The following TGFBR2 variants were observed in gnomAD, a reference collection of about 807,000 sequenced individuals.
TGFBR2 encodes transforming growth factor beta receptor 2.
Under a neutral mutation model 49.0 loss-of-function variants are expected in TGFBR2, and 18 were observed. That is an observed-to-expected ratio of 0.37 (90% CI 0.25 to 0.54). TGFBR2 has a LOEUF of 0.54. Among genes scored for constraint, TGFBR2 ranks in the 20% least tolerant of loss-of-function variants. TGFBR2 has a pLI of 0.85. For missense variants in TGFBR2, 525 were observed against 722.6 expected (o/e 0.73, Z 3.13); for synonymous variants, 282 against 275.9 (o/e 1.02, Z -0.22).
chr3:30,622,458 A>G (rs982047402), intron 1 of TGFBR2, among the ~76,000 whole-genome samples: 2 of 151,940 alleles, frequency 1.3e-5, no homozygotes, highest in African/African-American at 4.8e-5. Flanking sequence ...TTCTGCCCAC[A>G]CCCTTCTTTG....
intron 6 of TGFBR2, among the ~76,000 whole-genome samples, chr3:30,690,122 C>T (rs1224636725): frequency 6.6e-6 from 1 of 152,128 alleles, no homozygotes; most frequent in Non-Finnish European, 1.5e-5. Context: ...AGTGCCAGCT[C>T]TCCCAGGTAG....
chr3:30,679,338 G>A (rs114640422), intron 5 of TGFBR2, among the ~76,000 whole-genome samples: 1,655 of 152,258 alleles, frequency 0.011, 34 homozygotes, highest in African/African-American at 0.038. Flanking sequence ...TTCTTTACTA[G>A]CCAGTCTCCC....
intron 1 of TGFBR2, among the ~76,000 whole-genome samples, chr3:30,634,710 C>A (rs1006155413): frequency 2.0e-5 from 3 of 152,140 alleles, no homozygotes; most frequent in Non-Finnish European, 4.4e-5. Flanking sequence ...CTTTTATTTT[C>A]AATAATAAAT....
chr3:30,674,651 AAG>A (rs1699402492), intron 5 of TGFBR2, among the ~76,000 whole-genome samples: 1 of 152,148 alleles, frequency 6.6e-6, no homozygotes, highest in Non-Finnish European at 1.5e-5. Flanking sequence ...GTCTGGGAAA[AAG>A]ATTTGATTCA....
intron 3 of TGFBR2, among the ~76,000 whole-genome samples, chr3:30,667,158 G>T (rs552788927): frequency 6.6e-6 from 1 of 152,156 alleles, no homozygotes; most frequent in East Asian, 1.9e-4. Flanking sequence ...ACCTCATAGG[G>T]TTTTTCTATC....
chr3:30,637,200 C>T (rs893883582), intron 1 of TGFBR2, among the ~76,000 whole-genome samples: 10 of 151,882 alleles, frequency 6.6e-5, no homozygotes, highest in African/African-American at 2.4e-4. Context: ...CAAGTACTTA[C>T]AAAGGTATGG....
intron 3 of TGFBR2, among the ~76,000 whole-genome samples, chr3:30,651,673 T>G (rs1698889440): frequency 6.6e-6 from 1 of 152,250 alleles, no homozygotes; most frequent in Non-Finnish European, 1.5e-5. Flanking sequence ...TAAAAATATC[T>G]CATGCATTTG....
rs896297308 is a variant in TGFBR2, at chr3:30,691,804, G to T, written c.*205G>T. 1.0e-5 allele frequency: 6 copies of T among 594,956 alleles called. No individual in the cohort carries two copies. Among genetic ancestry groups the T allele is most frequent in the South Asian group, 7.7e-5 (4 of 51,954 alleles). 36.9% of individuals were successfully genotyped at this position (594,956 alleles called of 1,614,324 possible). On this transcript the variant is annotated 3_prime_UTR_variant, in exon 7 of 7. Coordinates refer to ENST00000295754, the MANE Select transcript of TGFBR2 (RefSeq NM_003242.6). The stretch of plus-strand genomic sequence containing the variant: ...TTCTATGCCTTTGACATTGTCATAG[G>T]ATAAGCTGTGTTAGCACTTCCTCAG...
At chr3:30,608,036 T>C (rs1575126667) in intron 1 of TGFBR2, among the ~76,000 whole-genome samples, 1 of 151,424 alleles carries the variant, frequency 6.6e-6, no homozygotes, top group Non-Finnish European at 1.5e-5. Context: ...GCCTCTGGGT[T>C]CAAGCGATTC....
At chr3:30,637,717 G>A (rs562510867) in intron 1 of TGFBR2, among the ~76,000 whole-genome samples, 18 of 152,076 alleles carry the variant, frequency 1.2e-4, no homozygotes, top group African/African-American at 3.6e-4. Flanking sequence ...CTTTTTAGTC[G>A]TTGCGTTGTG....
intron 3 of TGFBR2, among the ~76,000 whole-genome samples, chr3:30,659,505 G>A (rs767813117): frequency 6.6e-6 from 1 of 151,810 alleles, no homozygotes; most frequent in Non-Finnish European, 1.5e-5. Flanking sequence ...TATTTGAACT[G>A]AATTAAGGCA....
At chr3:30,638,811 G>T (rs902093978) in intron 1 of TGFBR2, among the ~76,000 whole-genome samples, 3 of 152,146 alleles carry the variant, frequency 2.0e-5, no homozygotes, top group Non-Finnish European at 2.9e-5. Flanking sequence ...TGTTCTGGGT[G>T]GGAGGAAGTG....
At chr3:30,639,861 T>C (rs1698613094) in intron 1 of TGFBR2, among the ~76,000 whole-genome samples, 1 of 152,236 alleles carries the variant, frequency 6.6e-6, no homozygotes, top group Admixed American at 6.5e-5. Context: ...GTGTTTATGG[T>C]TATTGTTAAA....
intron 5 of TGFBR2, among the ~76,000 whole-genome samples, chr3:30,677,853 A>G (rs1699466812): frequency 6.6e-6 from 1 of 152,198 alleles, no homozygotes; most frequent in African/African-American, 2.4e-5. Flanking sequence ...TTCTTTTTAA[A>G]AAACTTACAC....
At chr3:30,673,985 A>T in intron 4 of TGFBR2, 120 bp from the exon 5 acceptor site, 1 of 1,122,460 alleles carries the variant, frequency 8.9e-7, no homozygotes, top group Non-Finnish European at 1.3e-6. Flanking sequence ...TCTTTAAAAC[A>T]GCACTTTGAT....
intron 5 of TGFBR2, among the ~76,000 whole-genome samples, chr3:30,674,582 A>G (rs941788354): frequency 1.3e-5 from 2 of 152,220 alleles, no homozygotes; most frequent in Admixed American, 1.3e-4. Flanking sequence ...TCATGTGGGT[A>G]ATATTCAGAT....
rs1192670036 is a variant in TGFBR2 at position 30,613,258 on chromosome 3, A to G, written c.94+6281A>G. ...GCCTCTGTCCTGGGCCTTAGATGGTACTCTGCTGTCATTCTTCTCTGGTCA... is the reference window on the plus strand; with the variant it reads ...GCCTCTGTCCTGGGCCTTAGATGGTGCTCTGCTGTCATTCTTCTCTGGTCA... On this transcript the variant is annotated intron_variant, in intron 1 of 6. Coordinates refer to ENST00000295754, the MANE Select transcript of TGFBR2 (RefSeq NM_003242.6). Among the ~76,000 whole-genome samples, 4 of 150,478 alleles carry G rather than the reference A, an allele frequency of 2.7e-5. No individual in the cohort carries two copies. The Admixed American group carries it at 2.7e-4, about 10-fold the overall frequency.
intron 5 of TGFBR2, among the ~76,000 whole-genome samples, 189 bp from the exon 6 acceptor site, chr3:30,688,195 C>G (rs1252388401): frequency 6.6e-6 from 1 of 152,224 alleles, no homozygotes; most frequent in Non-Finnish European, 1.5e-5. Context: ...GAATACTTCT[C>G]TAGCCCTTCC....
At position 30,688,308 on chromosome 3, in the gene TGFBR2, G is replaced by A. The variant is rs1699658224; in HGVS notation, c.1397-76G>A. 5 of 1,599,960 alleles carry A rather than the reference G, an allele frequency of 3.1e-6. No individual in the cohort carries two copies. The South Asian group carries it at 3.3e-5, about 11-fold the overall frequency. On this transcript the variant is annotated intron_variant, in intron 5 of 6. Coordinates refer to ENST00000295754, the MANE Select transcript of TGFBR2 (RefSeq NM_003242.6). ...TTAGTGCTTCATGCTCCCCAGCCAG[G>A]CATCTCACCATGCTCATTTCCTTTG...
Sources: allele counts gnomAD v4.1 joint callset (sites outside exome capture counted in the v4.1 genomes callset), GRCh38; gene constraint gnomAD v4.1.1; transcripts MANE v1.5; gene names NCBI Gene and HGNC (gene_info 2026-07-23, HGNC 2026-07-21).